ZSCAN1: variants seen among roughly 807,000 people sequenced by gnomAD.
ZSCAN1 encodes zinc finger and SCAN domain containing 1.
A neutral mutation model predicts 23.8 loss-of-function variants in ZSCAN1; 23 were observed. The ratio of observed to expected loss-of-function variants is 0.97; its 90% CI spans 0.70 to 1.37. The LOEUF (loss-of-function observed/expected upper bound fraction) is 1.37, where lower values mean the gene tolerates loss of function less well. Ranked by LOEUF, ZSCAN1 falls within the 40% of genes most tolerant of loss-of-function variation. The pLI, the probability that ZSCAN1 is intolerant of heterozygous loss-of-function variation, is 0.00. For missense variants in ZSCAN1, 575 were observed against 554.0 expected (o/e 1.04, Z -0.38); for synonymous variants, 236 against 232.3 (o/e 1.02, Z -0.15).
Position 58,053,539 on chromosome 19 carries a change from A to G in ZSCAN1, c.715A>G (p.Lys239Glu), listed in dbSNP as rs767848104. The change falls in exon 6 of 6, where the codon AAG (lysine) becomes GAG (glutamate). Residue 239 changes from lysine (K) to glutamate (E), a missense_variant. Lys to Glu is a moderately conservative substitution (Grantham distance 56, BLOSUM62 1). Transcript: ENST00000282326. The surrounding 1 kb of genome is among the most constrained non-coding windows in gnomAD (Gnocchi z 5.8). ...RAEGTVISSP[K>E]GPSAQRISPR... ...AGAAGGGACTGTGATCTCGAGCCCC[A>G]AGGGTCCAAGTGCTCAGAGAATCAG... 5 of 1,614,104 alleles carry G rather than the reference A, an allele frequency of 3.1e-6. No homozygotes were observed. In the Admixed American group the frequency reaches 8.3e-5, roughly 27 times the overall value.
intron 2 of ZSCAN1, among the ~76,000 whole-genome samples, chr19:58,037,187 A>T (rs2073743763): frequency 6.6e-6 from 1 of 152,072 alleles, no homozygotes; most frequent in Non-Finnish European, 1.5e-5. Flanking sequence ...GCTTCCATTT[A>T]AATGGAATTT....
intron 4 of ZSCAN1, chr19:58,044,489 G>A: frequency 2.5e-6 from 1 of 399,508 alleles, no homozygotes; most frequent in Non-Finnish European, 4.5e-6. Flanking sequence ...CGCACGGACG[G>A]CGCCTGAGGA....
chr19:58,049,992 A>ATC lies in ZSCAN1; in HGVS notation c.466-2496_466-2495dup, dbSNP rs895977943. 6.6e-6 allele frequency among the ~76,000 whole-genome samples: 1 copy of ATC among 151,680 alleles called. No individual in the cohort carries two copies. Among genetic ancestry groups the ATC allele is most frequent in the African/African-American group, 2.4e-5 (1 of 41,216 alleles). On this transcript the variant is annotated intron_variant, in intron 4 of 5. Coordinates refer to ENST00000282326, the MANE Select transcript of ZSCAN1 (RefSeq NM_182572.4). This position sits in a 1 kb window ranked among gnomAD's most constrained non-coding sequence, Gnocchi z 4.5. The stretch of plus-strand genomic sequence containing the variant: ...TTCTGGGCTATTCTGGCTTGTGAAT[A>ATC]TCTGTCTGTAGTTGATTTGTGTGTG...
intron 4 of ZSCAN1, chr19:58,044,837 C>G (rs1304417336): frequency 1.3e-6 from 1 of 759,570 alleles, no homozygotes; most frequent in African/African-American, 1.7e-5. Flanking sequence ...CGCACCGTGT[C>G]GAGAGCGCCA....
In ZSCAN1 at chr19:58,038,066, T is replaced by G. The variant is rs1412886310; in HGVS notation, c.230T>G (p.Met77Arg). The change falls in exon 3 of 6, where the codon ATG (methionine) becomes AGG (arginine). Residue 77 changes from methionine to arginine, a missense_variant. Transcript: ENST00000282326. ...LRPEARSKEQ[M>R]LELLVLEQFL... The stretch of plus-strand genomic sequence containing the variant: ...CCCGAGGCGCGCTCCAAGGAGCAGA[T>G]GCTGGAGCTGCTGGTGCTGGAGCAG... 1.2e-6 allele frequency: 2 copies of G among 1,611,720 alleles called. No individual in the cohort carries two copies. The highest frequency in any genetic ancestry group is 1.3e-5 in the African/African-American group (1 of 74,908).
chr19:58,040,595 C>G lies in ZSCAN1; in HGVS notation c.465+51C>G, dbSNP rs1213611021. The G allele has an allele frequency of 1.3e-6, 2 of 1,575,574 alleles. No individual in the cohort carries two copies. The highest frequency in any genetic ancestry group is 2.7e-5 in the African/African-American group (2 of 74,146). ...GCTCCTGCACCCCAGGGCATGCGTG[C>G]CGCTTCTGGGACGGCCTCAAGGATG... On this transcript the variant is annotated intron_variant, in intron 4 of 5. Coordinates refer to ENST00000282326, the MANE Select transcript of ZSCAN1 (RefSeq NM_182572.4). This position sits in a 1 kb window ranked among gnomAD's most constrained non-coding sequence, Gnocchi z 5.8.
rs1171434133 is a variant in ZSCAN1, at chr19:58,040,267, C to T, written c.371-183C>T. Among the ~76,000 whole-genome samples the T allele has an allele frequency of 6.6e-6, 1 of 152,138 alleles. No homozygotes were observed. Among genetic ancestry groups the T allele is most frequent in the Non-Finnish European group, 1.5e-5 (1 of 68,028 alleles). On this transcript the variant is annotated intron_variant, in intron 3 of 5. Coordinates refer to ENST00000282326, the MANE Select transcript of ZSCAN1 (RefSeq NM_182572.4). This position sits in a 1 kb window ranked among gnomAD's most constrained non-coding sequence, Gnocchi z 5.8. The stretch of plus-strand genomic sequence containing the variant: ...ACTTGTCTTCAGCGGCCCTCGGTGT[C>T]ACCACAGGTTCCTGCCCAGCAGCCA...
intron 3 of ZSCAN1, among the ~76,000 whole-genome samples, chr19:58,038,933 G>A (rs998440442): frequency 6.6e-6 from 1 of 152,266 alleles, no homozygotes; most frequent in Non-Finnish European, 1.5e-5. Context: ...AGCAAGGAGG[G>A]TGCCAGGCAG....
At chr19:58,055,181 C>T (rs1041128642), downstream of ZSCAN1, among the ~76,000 whole-genome samples, 10 of 152,238 alleles carry the variant, frequency 6.6e-5, no homozygotes, top group African/African-American at 1.9e-4. Context: ...TTTTCCAAGT[C>T]GCCTTCTAAA....
intron 3 of ZSCAN1, 58 bp downstream of exon 3, chr19:58,038,264 A>AC: frequency 6.5e-7 from 1 of 1,544,274 alleles, no homozygotes; most frequent in Non-Finnish European, 8.7e-7. Context: ...GTCTCCGAGG[A>AC]CCGAACTGCC....
At chr19:58,055,690 G>A (rs1212050646), downstream of ZSCAN1, among the ~76,000 whole-genome samples, 1 of 152,174 alleles carries the variant, frequency 6.6e-6, no homozygotes, top group Non-Finnish European at 1.5e-5. Context: ...GCCCCCACTT[G>A]TTGGGAGCCA....
At chr19:58,037,163 T>C (rs893005065) in intron 2 of ZSCAN1, among the ~76,000 whole-genome samples, 4 of 152,174 alleles carry the variant, frequency 2.6e-5, no homozygotes, top group Non-Finnish European at 4.4e-5. Context: ...CATTATTATG[T>C]AGCCCACCTG....
chr19:58,034,559 C>T (rs1322811668), intron 1 of ZSCAN1, among the ~76,000 whole-genome samples: 1 of 151,934 alleles, frequency 6.6e-6, no homozygotes, highest in Non-Finnish European at 1.5e-5. Flanking sequence ...ACCTGATCAG[C>T]ATCCCGGGAC....
chr19:58,045,945 G>T lies in ZSCAN1; in HGVS notation c.465+5401G>T. On this transcript the variant is annotated intron_variant, in intron 4 of 5. Transcript: ENST00000282326. This position sits in a 1 kb window ranked among gnomAD's most constrained non-coding sequence, Gnocchi z 4.3. ...TGGCCGAGGTGGAGGGCAAGCAGGT[G>T]GACAAGGCCAAGCTAGAGGCCACAC... 1 of 867,216 alleles carries T rather than the reference G, an allele frequency of 1.2e-6. No homozygotes were observed. 53.7% of individuals were successfully genotyped at this position (867,216 alleles called of 1,614,324 possible).
chr19:58,048,262 A>C (rs572686145), intron 4 of ZSCAN1, among the ~76,000 whole-genome samples: 50 of 152,372 alleles, frequency 3.3e-4, no homozygotes, highest in African/African-American at 1.2e-3. Flanking sequence ...AAAAAAAATC[A>C]ATGTATAGAC....
chr19:58,037,925 G>T lies in ZSCAN1; in HGVS notation c.89G>T (p.Ser30Ile). The stretch of plus-strand genomic sequence containing the variant: ...CAGGACGCAGACCCTGGGCCAGCAA[G>T]CCCCAGGGACACCGAAGCCCAGCGT... ...SEQDADPGPA[S>I]PRDTEAQRLR... The change falls in exon 3 of 6, where the codon AGC becomes ATC. Residue 30 changes from serine (S) to isoleucine (I), a missense_variant. Ser to Ile is a moderately radical substitution (Grantham distance 142). Coordinates refer to ENST00000282326, the MANE Select transcript of ZSCAN1 (RefSeq NM_182572.4). 6.3e-7 allele frequency: 1 copy of T among 1,577,428 alleles called. No individual in the cohort carries two copies. Among genetic ancestry groups the T allele is most frequent in the Non-Finnish European group, 8.6e-7 (1 of 1,165,084 alleles).
At chr19:58,050,593 T>C (rs1002023280) in intron 4 of ZSCAN1, among the ~76,000 whole-genome samples, 1 of 151,638 alleles carries the variant, frequency 6.6e-6, no homozygotes, top group African/African-American at 2.4e-5. Flanking sequence ...CAATCTCAGC[T>C]CACTGCAACC....
In ZSCAN1 at chr19:58,054,294, G is replaced by A. The variant is rs928894485; in HGVS notation, c.*243G>A. 13 of 459,670 alleles carry A rather than the reference G, an allele frequency of 2.8e-5. No homozygotes were observed. The East Asian group carries it at 2.9e-4, about 10-fold the overall frequency. 28.5% of individuals were successfully genotyped at this position (459,670 alleles called of 1,614,324 possible). A position where few individuals can be genotyped will look rare whatever the true frequency, so the allele number is the denominator to read the frequency against. ...CACAGCACAGCCTGGTCAGTCCTGCGCACTATAGTTTTGCAAGTGGCTTGA... is the reference window on the plus strand; with the variant it reads ...CACAGCACAGCCTGGTCAGTCCTGCACACTATAGTTTTGCAAGTGGCTTGA... On this transcript the variant is annotated 3_prime_UTR_variant, in exon 6 of 6. Coordinates refer to ENST00000282326, the MANE Select transcript of ZSCAN1 (RefSeq NM_182572.4). This position sits in a 1 kb window ranked among gnomAD's most constrained non-coding sequence, Gnocchi z 4.2.
At chr19:58,041,267 G>A (rs888958331) in intron 4 of ZSCAN1, among the ~76,000 whole-genome samples, 27 of 152,244 alleles carry the variant, frequency 1.8e-4, no homozygotes, top group Non-Finnish European at 2.6e-4. Flanking sequence ...ACCAGAGACC[G>A]GGCCAGAGCA....
Sources: allele counts gnomAD v4.1 joint callset (sites outside exome capture counted in the v4.1 genomes callset), GRCh38; gene constraint gnomAD v4.1.1; non-coding constraint Gnocchi (gnomAD v3.1); transcripts MANE v1.5; gene names NCBI Gene and HGNC (gene_info 2026-07-23, HGNC 2026-07-21).